Variants in SPATS2L observed in about 807,000 individuals in gnomAD.
SPATS2L encodes the protein spermatogenesis associated serine rich 2 like, also known as SPATS2-like protein.
SPATS2L carries 30 observed loss-of-function variants against 59.6 expected under a neutral mutation model. The ratio of observed to expected loss-of-function variants is 0.50; its 90% CI spans 0.38 to 0.68. The LOEUF (loss-of-function observed/expected upper bound fraction) is 0.68, where lower values mean the gene tolerates loss of function less well. Among genes scored for constraint, SPATS2L ranks in the 30% least tolerant of loss-of-function variants. SPATS2L has a pLI of 0.00. For synonymous variants in SPATS2L, 252 were observed against 263.5 expected (o/e 0.96, Z 0.42); for missense variants, 615 against 700.0 (o/e 0.88, Z 1.37).
chr2:200,354,154 G>T (rs1231676099), intron 2 of SPATS2L, among the ~76,000 whole-genome samples: 6 of 152,196 alleles, frequency 3.9e-5, no homozygotes, highest in African/African-American at 1.4e-4. Flanking sequence ...AAGAGGGAAA[G>T]ATGCATAGCC....
chr2:200,442,669 C>T lies in SPATS2L; in HGVS notation c.788+1885C>T, dbSNP rs186022580. On this transcript the variant is annotated intron_variant, in intron 8 of 12. Transcript: ENST00000409140. ...GTGTAGCAATGCCCTCAAATTACCT[C>T]TCTCTTCTCCAGCTGCTCTGAGTAC... is the stretch of plus-strand genomic sequence containing the variant. 6.4e-4 allele frequency among the ~76,000 whole-genome samples: 97 copies of T among 152,344 alleles called. 2 individuals are homozygous for T. The highest frequency in any genetic ancestry group is 2.2e-3 in the African/African-American group (90 of 41,576).
At chr2:200,434,228 T>C (rs2084127868) in intron 6 of SPATS2L, among the ~76,000 whole-genome samples, 1 of 151,996 alleles carries the variant, frequency 6.6e-6, no homozygotes, top group Non-Finnish European at 1.5e-5. Context: ...AAAAATTCAC[T>C]TGACAAAAAC....
chr2:200,349,494 C>T (rs561001976), intron 2 of SPATS2L, among the ~76,000 whole-genome samples: 2 of 152,246 alleles, frequency 1.3e-5, no homozygotes, highest in African/African-American at 2.4e-5. Context: ...AAAAATTAGC[C>T]GAATGTGATG....
At chr2:200,436,139 A>C (rs1369748979) in intron 6 of SPATS2L, among the ~76,000 whole-genome samples, 1 of 152,100 alleles carries the variant, frequency 6.6e-6, no homozygotes, top group Non-Finnish European at 1.5e-5. Context: ...CAACCTGTTG[A>C]AGTTTACAAG....
intron 2 of SPATS2L, among the ~76,000 whole-genome samples, chr2:200,332,796 A>G (rs945300674): frequency 5.1e-4 from 52 of 102,332 alleles, no homozygotes; most frequent in East Asian, 2.7e-3. Flanking sequence ...GTGTGTGTGT[A>G]TGTATGTATC....
chr2:200,347,016 G>C (rs954407882), intron 2 of SPATS2L, among the ~76,000 whole-genome samples: 1 of 152,122 alleles, frequency 6.6e-6, no homozygotes, highest in African/African-American at 2.4e-5. Context: ...AAAATAACAG[G>C]TTCTTGCCTA....
At chr2:200,416,954 C>G (rs1352406951) in intron 5 of SPATS2L, among the ~76,000 whole-genome samples, 2 of 152,172 alleles carry the variant, frequency 1.3e-5, no homozygotes, top group Non-Finnish European at 2.9e-5. Context: ...TTCTTGAACA[C>G]TGGCGTACTG....
intron 6 of SPATS2L, among the ~76,000 whole-genome samples, chr2:200,425,490 T>C (rs1476040903): frequency 1.3e-5 from 2 of 152,162 alleles, no homozygotes; most frequent in Non-Finnish European, 2.9e-5. Flanking sequence ...CTTGGCCTCA[T>C]CACTTATGAG....
chr2:200,477,187 T>C (rs1318572864), intron 12 of SPATS2L, among the ~76,000 whole-genome samples: 1 of 152,016 alleles, frequency 6.6e-6, no homozygotes, highest in Non-Finnish European at 1.5e-5. Flanking sequence ...GGCTTGAGAG[T>C]GGGTCTTGGC....
intron 2 of SPATS2L, chr2:200,384,095 G>T: frequency 1.5e-6 from 1 of 687,472 alleles, no homozygotes. Flanking sequence ...AAACTTTACA[G>T]ATAACTCATA....
At chr2:200,469,815 C>G in intron 10 of SPATS2L, 99 bp from the exon 11 acceptor site, 1 of 879,246 alleles carries the variant, frequency 1.1e-6, no homozygotes, top group Non-Finnish European at 1.8e-6. Flanking sequence ...CAGGTCAGCA[C>G]TGCAGTGGAC....
Position 200,480,083 on chromosome 2 carries a change from G to T in SPATS2L, c.*2052G>T, listed in dbSNP as rs75620403. On this transcript the variant is annotated 3_prime_UTR_variant, in exon 13 of 13. Transcript: ENST00000409140. ...TTTTGCTCACCACTGAAAAATGTCA[G>T]TGTAAATGTGACCGCTTTAAAGATG... 0.02 allele frequency: 4,309 copies of T among 213,036 alleles called. 63 individuals are homozygous for T. The highest frequency in any genetic ancestry group is 0.058 in the Middle Eastern group (38 of 656). The allele number at this position is 213,036 out of a possible 1,614,324, so 13.2% of individuals were successfully genotyped here. A position where few individuals can be genotyped will look rare whatever the true frequency, so the allele number is the denominator to read the frequency against.
intron 2 of SPATS2L, among the ~76,000 whole-genome samples, chr2:200,388,073 A>G (rs1285250412): frequency 1.3e-5 from 2 of 152,212 alleles, no homozygotes; most frequent in African/African-American, 4.8e-5. Flanking sequence ...GGTCCATTTG[A>G]AAATGGAGAT....
chr2:200,416,046 CAG>C (rs2083043676), intron 4 of SPATS2L, among the ~76,000 whole-genome samples: 1 of 152,040 alleles, frequency 6.6e-6, no homozygotes, highest in Non-Finnish European at 1.5e-5. Flanking sequence ...ATATATCAAA[CAG>C]AATAATTTTA....
At chr2:200,391,274 G>A (rs2082165420) in intron 3 of SPATS2L, among the ~76,000 whole-genome samples, 1 of 152,132 alleles carries the variant, frequency 6.6e-6, no homozygotes, top group African/African-American at 2.4e-5. Flanking sequence ...TCCTGAAATG[G>A]TTGTCCGTCA....
At chr2:200,372,328 C>A in intron 2 of SPATS2L, 2 of 316,426 alleles carry the variant, frequency 6.3e-6, no homozygotes, top group Non-Finnish European at 9.1e-6. Flanking sequence ...TGACAGGAGT[C>A]TCACTACCTC....
intron 2 of SPATS2L, among the ~76,000 whole-genome samples, chr2:200,353,695 G>T (rs2080814955): frequency 6.6e-6 from 1 of 152,016 alleles, no homozygotes. Context: ...AATTCTGAAG[G>T]TATTTGCCAC....
At chr2:200,382,201 A>C (rs901541529) in intron 2 of SPATS2L, among the ~76,000 whole-genome samples, 3 of 151,940 alleles carry the variant, frequency 2.0e-5, no homozygotes, top group African/African-American at 7.3e-5. Flanking sequence ...CCCCCTCCCC[A>C]GTACCTGGGA....
At chr2:200,321,467 T>G (rs767955153) in intron 1 of SPATS2L, among the ~76,000 whole-genome samples, 5 of 152,222 alleles carry the variant, frequency 3.3e-5, no homozygotes, top group Admixed American at 6.5e-5. Context: ...TCAGCAAATG[T>G]GAACTATTTT....
Sources: allele counts gnomAD v4.1 joint callset (sites outside exome capture counted in the v4.1 genomes callset), GRCh38; gene constraint gnomAD v4.1.1; transcripts MANE v1.5; gene names NCBI Gene and HGNC (gene_info 2026-07-23, HGNC 2026-07-21).